TBCK: variants seen among roughly 807,000 people sequenced by gnomAD.
The protein encoded by TBCK is TBC1 domain containing kinase.
Under a neutral mutation model 113.4 loss-of-function variants are expected in TBCK, and 99 were observed. The observed-to-expected ratio is 0.87, with a 90% confidence interval of 0.74 to 1.03. The LOEUF (loss-of-function observed/expected upper bound fraction) is 1.03, where lower values mean the gene tolerates loss of function less well. TBCK is among the 50% of genes least tolerant of loss of function. TBCK has a pLI of 0.00. For missense variants in TBCK, 1,045 were observed against 1,061.3 expected (o/e 0.98, Z 0.21); for synonymous variants, 369 against 370.8 (o/e 1.00, Z 0.05).
chr4:106,064,462 A>G (rs1013769821), intron 25 of TBCK, among the ~76,000 whole-genome samples: 1 of 151,808 alleles, frequency 6.6e-6, no homozygotes, highest in Non-Finnish European at 1.5e-5. Context: ...GTTTAGATGA[A>G]TATTTCTTTT....
intron 3 of TBCK, among the ~76,000 whole-genome samples, chr4:106,275,369 T>G (rs1173077207): frequency 2.0e-5 from 3 of 151,868 alleles, no homozygotes; most frequent in African/African-American, 7.3e-5. Context: ...GATAAAAAAC[T>G]AGGAAATATT....
rs1416248209 is a variant in TBCK at position 106,124,153 on chromosome 4, A to G, written c.2236-7775T>C. The stretch of plus-strand genomic sequence containing the variant: ...CTACAATGAACTCAAACAAATTTAC[A>G]AGAAAAAACAAACAACCCCATCAAC... On this transcript the variant is annotated intron_variant, in intron 23 of 25. Transcript: ENST00000394708. Among the ~76,000 whole-genome samples, 14 of 152,252 alleles carry G rather than the reference A, an allele frequency of 9.2e-5. No homozygotes were observed. The East Asian group carries it at 2.5e-3, about 27-fold the overall frequency.
At chr4:106,122,810 T>G (rs1215527300) in intron 23 of TBCK, among the ~76,000 whole-genome samples, 1 of 152,082 alleles carries the variant, frequency 6.6e-6, no homozygotes, top group Non-Finnish European at 1.5e-5. Context: ...AAAAAGCCTT[T>G]GACAAAATTC....
chr4:106,080,237 A>G (rs1163634022), intron 25 of TBCK, among the ~76,000 whole-genome samples: 2 of 152,184 alleles, frequency 1.3e-5, no homozygotes, highest in Non-Finnish European at 2.9e-5. Context: ...AGTAATCCTA[A>G]GCAAAACAAA....
intron 23 of TBCK, among the ~76,000 whole-genome samples, chr4:106,127,835 G>A (rs1182387814): frequency 2.0e-5 from 3 of 151,956 alleles, no homozygotes; most frequent in Non-Finnish European, 4.4e-5. Flanking sequence ...CAAAGTATAG[G>A]GAATTCTCAT....
intron 3 of TBCK, among the ~76,000 whole-genome samples, chr4:106,292,387 C>T (rs527280397): frequency 3.9e-5 from 6 of 151,928 alleles, no homozygotes; most frequent in East Asian, 1.9e-4. Context: ...CTGGCTAACA[C>T]GGTGAAACCC....
intron 25 of TBCK, among the ~76,000 whole-genome samples, chr4:106,062,672 A>G (rs894884454): frequency 2.0e-5 from 3 of 151,858 alleles, no homozygotes; most frequent in Non-Finnish European, 2.9e-5. Flanking sequence ...TGTGGTAAGG[A>G]GTAATTAAAT....
chr4:106,169,307 T>C (rs986852424), intron 23 of TBCK, among the ~76,000 whole-genome samples: 2 of 151,942 alleles, frequency 1.3e-5, no homozygotes, highest in African/African-American at 4.8e-5. Context: ...TCAAGACAAA[T>C]TATAAATCAA....
intron 23 of TBCK, among the ~76,000 whole-genome samples, chr4:106,125,978 G>A (rs1053124779): frequency 6.6e-6 from 1 of 152,198 alleles, no homozygotes; most frequent in Non-Finnish European, 1.5e-5. Flanking sequence ...CGTCTGGCAA[G>A]ATATGTGCTC....
intron 23 of TBCK, among the ~76,000 whole-genome samples, chr4:106,130,140 T>C (rs1475560918): frequency 1.3e-5 from 2 of 152,202 alleles, no homozygotes; most frequent in African/African-American, 4.8e-5. Flanking sequence ...TAAATTCATT[T>C]TAAGTGTCCT....
intron 3 of TBCK, among the ~76,000 whole-genome samples, chr4:106,267,793 C>A (rs1763123866): frequency 6.6e-6 from 1 of 151,810 alleles, no homozygotes. Context: ...TATCCCTTTC[C>A]AGATATATTT....
At chr4:106,195,492 T>TGTGTGTGTGTGTG (rs371211369) in intron 20 of TBCK, among the ~76,000 whole-genome samples, 3,170 of 149,000 alleles carry the variant, frequency 0.021, 78 homozygotes, top group African/African-American at 0.048. Flanking sequence ...ATGTGTGTGT[T>TGTGTGTGTGTGTG]TGTGTGTGTG....
intron 20 of TBCK, among the ~76,000 whole-genome samples, chr4:106,212,037 A>T (rs7667596): frequency 0.75 from 113,171 of 151,680 alleles, 42,516 homozygotes; most frequent in Non-Finnish European, 0.79. Flanking sequence ...GTTAAAAAAA[A>T]TTTTTTAATG....
chr4:106,263,439 C>T (rs917754634), intron 3 of TBCK, among the ~76,000 whole-genome samples: 6 of 151,824 alleles, frequency 4.0e-5, no homozygotes, highest in South Asian at 4.1e-4. Flanking sequence ...CTATGAGAAA[C>T]GCACTAAATA....
chr4:106,069,034 C>A (rs1462827150), intron 25 of TBCK, among the ~76,000 whole-genome samples: 1 of 152,122 alleles, frequency 6.6e-6, no homozygotes, highest in African/African-American at 2.4e-5. Context: ...TTTATAGATT[C>A]CGGATATTAG....
chr4:106,153,867 T>C (rs1748817993), intron 23 of TBCK, among the ~76,000 whole-genome samples: 1 of 152,078 alleles, frequency 6.6e-6, no homozygotes, highest in Admixed American at 6.6e-5. Context: ...CTGATGTAAA[T>C]ATAGCTACTC....
intron 2 of TBCK, among the ~76,000 whole-genome samples, chr4:106,306,913 T>C (rs1767586690): frequency 6.6e-6 from 1 of 152,216 alleles, no homozygotes; most frequent in South Asian, 2.1e-4. Flanking sequence ...AATAAAATAA[T>C]GTATACTTTA....
At chr4:106,205,017 G>A (rs1755306833) in intron 20 of TBCK, among the ~76,000 whole-genome samples, 3 of 151,002 alleles carry the variant, frequency 2.0e-5, no homozygotes, top group Admixed American at 1.3e-4. Flanking sequence ...CACCCGCCTC[G>A]GCCTCCCAAA....
At position 106,043,358 on chromosome 4, in the gene TBCK, A is replaced by G. The variant is rs1450343137; in HGVS notation, c.*3212T>C. ...AATTGAGATTTCAATTTATTTCTAT[A>G]CTATCAGGTACCAGATAAGTTTGGC... On this transcript the variant is annotated 3_prime_UTR_variant, in exon 26 of 26. Coordinates refer to ENST00000394708, the MANE Select transcript of TBCK (RefSeq NM_001163435.3). 6.6e-6 allele frequency: 1 copy of G among 152,088 alleles called. No individual in the cohort carries two copies. The highest frequency in any genetic ancestry group is 1.5e-5 in the Non-Finnish European group (1 of 68,004). 9.4% of individuals were successfully genotyped at this position (152,088 alleles called of 1,614,324 possible). A position where few individuals can be genotyped will look rare whatever the true frequency, so the allele number is the denominator to read the frequency against.
Sources: allele counts gnomAD v4.1 joint callset (sites outside exome capture counted in the v4.1 genomes callset), GRCh38; gene constraint gnomAD v4.1.1; transcripts MANE v1.5; gene names NCBI Gene and HGNC (gene_info 2026-07-23, HGNC 2026-07-21).